Variants in ARAP2 observed in about 807,000 individuals in gnomAD.
ARAP2 encodes the protein ArfGAP with RhoGAP domain, ankyrin repeat and PH domain 2.
ARAP2 carries 148 observed loss-of-function variants against 194.5 expected under a neutral mutation model. The observed-to-expected ratio is 0.76, with a 90% confidence interval of 0.67 to 0.87. The LOEUF (loss-of-function observed/expected upper bound fraction) is 0.87. Among genes scored for constraint, ARAP2 ranks in the 40% least tolerant of loss-of-function variants. ARAP2 has a pLI of 0.00. For synonymous variants in ARAP2, 695 were observed against 683.5 expected, an observed-to-expected ratio of 1.02 and a Z score of -0.26; for missense variants, 2,128 against 1,989.7, an observed-to-expected ratio of 1.07 and a Z score of -1.32.
At chr4:36,107,908 A>G (rs998046423) in intron 26 of ARAP2, among the ~76,000 whole-genome samples, 5 of 152,038 alleles carry the variant, frequency 3.3e-5, no homozygotes, top group South Asian at 2.1e-4. Context: ...AACATTTACT[A>G]TATAAATTAA....
chr4:36,103,938 CAT>C (rs1285190914), intron 27 of ARAP2, among the ~76,000 whole-genome samples: 1 of 151,728 alleles, frequency 6.6e-6, no homozygotes, highest in African/African-American at 2.4e-5. Flanking sequence ...GTGGTGAAAA[CAT>C]AACGTCAAGC....
At chr4:36,092,788 T>C (rs1207664626) in intron 27 of ARAP2, among the ~76,000 whole-genome samples, 2 of 152,180 alleles carry the variant, frequency 1.3e-5, no homozygotes, top group African/African-American at 4.8e-5. Flanking sequence ...GTGGCTTGTA[T>C]TATATTTCTT....
chr4:36,216,097 AC>A (rs1366368896), intron 2 of ARAP2, among the ~76,000 whole-genome samples: 5 of 150,670 alleles, frequency 3.3e-5, no homozygotes, highest in African/African-American at 7.4e-5. Flanking sequence ...AAAAAAAAAA[AC>A]AACGAAAATT....
At chr4:36,108,942 A>G (rs1428947798) in intron 26 of ARAP2, among the ~76,000 whole-genome samples, 1 of 152,010 alleles carries the variant, frequency 6.6e-6, no homozygotes, top group African/African-American at 2.4e-5. Flanking sequence ...CAAAACATAA[A>G]GCACATACCA....
At chr4:36,019,941 T>C (rs941840963) in intron 5 of ARAP2, among the ~76,000 whole-genome samples, 27 of 152,206 alleles carry the variant, frequency 1.8e-4, no homozygotes, top group African/African-American at 6.5e-4. Context: ...CTGAACCCTA[T>C]ATATACTATG....
At chr4:36,112,676 C>T (rs756869930) in intron 26 of ARAP2, among the ~76,000 whole-genome samples, 1 of 151,152 alleles carries the variant, frequency 6.6e-6, no homozygotes, top group Non-Finnish European at 1.5e-5. Flanking sequence ...AGGCACTATG[C>T]TAGACATTAG....
At chr4:36,014,794 A>C (rs1176207045) in intron 8 of ARAP2, among the ~76,000 whole-genome samples, 1 of 152,156 alleles carries the variant, frequency 6.6e-6, no homozygotes, top group Non-Finnish European at 1.5e-5. Context: ...AGTTTACATC[A>C]GGTCATGTGC....
At chr4:36,158,665 C>A in intron 15 of ARAP2, 65 bp downstream of exon 15, 1 of 1,355,966 alleles carries the variant, frequency 7.4e-7, no homozygotes, top group Non-Finnish European at 1.0e-6. Context: ...AAATCTAAAC[C>A]TAATTGTTTT....
intron 2 of ARAP2, among the ~76,000 whole-genome samples, chr4:36,228,313 T>C (rs546506907): frequency 6.6e-6 from 1 of 152,276 alleles, no homozygotes; most frequent in East Asian, 1.9e-4. Context: ...AAACTTGGTA[T>C]GGAAAGGAAT....
intron 26 of ARAP2, among the ~76,000 whole-genome samples, chr4:36,110,571 A>G (rs1473777807): frequency 6.6e-6 from 1 of 151,996 alleles, no homozygotes; most frequent in Non-Finnish European, 1.5e-5. Context: ...GCATTAAAAT[A>G]ATAGCATATT....
chr4:36,243,364 T>C (rs1167218622), intron 1 of ARAP2, among the ~76,000 whole-genome samples: 1 of 118,502 alleles, frequency 8.4e-6, no homozygotes, highest in East Asian at 2.5e-4. Context: ...CTGAACAGCC[T>C]ACTTCAAGGA....
chr4:36,021,378 G>A (rs1716914127), intron 5 of ARAP2, among the ~76,000 whole-genome samples: 1 of 152,208 alleles, frequency 6.6e-6, no homozygotes, highest in Non-Finnish European at 1.5e-5. Context: ...TCTGTTGGAG[G>A]TGGGGCCTGG....
chr4:36,028,859 A>T (rs190342351), intron 5 of ARAP2, among the ~76,000 whole-genome samples: 1 of 151,710 alleles, frequency 6.6e-6, no homozygotes, highest in South Asian at 2.1e-4. Context: ...TTTCCCCTAC[A>T]TTTGTATAAC....
At chr4:36,020,420 C>G (rs948488566) in intron 5 of ARAP2, among the ~76,000 whole-genome samples, 1 of 151,560 alleles carries the variant, frequency 6.6e-6, no homozygotes, top group Non-Finnish European at 1.5e-5. Flanking sequence ...CCCGCCCCCA[C>G]CTAAAAAAAG....
intron 13 of ARAP2, chr4:36,160,033 TA>T: frequency 2.1e-6 from 2 of 947,430 alleles, no homozygotes; most frequent in African/African-American, 1.8e-5. Context: ...AAGGCGGCAA[TA>T]AAAAATATTA....
intron 5 of ARAP2, among the ~76,000 whole-genome samples, chr4:36,029,517 T>C (rs1211096823): frequency 1.3e-5 from 2 of 152,036 alleles, no homozygotes; most frequent in African/African-American, 2.4e-5. Context: ...TTTTAGTCTA[T>C]CTTTACCTAA....
At chr4:36,207,080 A>G (rs1281028674) in intron 6 of ARAP2, among the ~76,000 whole-genome samples, 1 of 152,236 alleles carries the variant, frequency 6.6e-6, no homozygotes, top group Non-Finnish European at 1.5e-5. Flanking sequence ...CTCCTCGAAG[A>G]GGCACAGCCA....
At chr4:36,016,438 T>C (rs1715814250) in intron 6 of ARAP2, among the ~76,000 whole-genome samples, 1 of 152,162 alleles carries the variant, frequency 6.6e-6, no homozygotes, top group South Asian at 2.1e-4. Context: ...TTATTATTCA[T>C]AAAATCTATT....
At chr4:36,101,062 T>C (rs916836509) in intron 27 of ARAP2, among the ~76,000 whole-genome samples, 2 of 152,208 alleles carry the variant, frequency 1.3e-5, no homozygotes, top group African/African-American at 4.8e-5. Flanking sequence ...GCTATTTGCA[T>C]AGCATTTACA....
Sources: allele counts gnomAD v4.1 joint callset (sites outside exome capture counted in the v4.1 genomes callset), GRCh38; gene constraint gnomAD v4.1.1; transcripts MANE v1.5; gene names NCBI Gene and HGNC (gene_info 2026-07-23, HGNC 2026-07-21).